Variants in BICD1 observed in about 807,000 individuals in gnomAD.
The protein encoded by BICD1 is BICD cargo adaptor 1, also known as protein bicaudal D homolog 1.
BICD1 carries 35 observed loss-of-function variants against 92.5 expected under a neutral mutation model. That is an observed-to-expected ratio of 0.38 (90% CI 0.29 to 0.50). The LOEUF is 0.50. Ranked by LOEUF, BICD1 falls within the 20% of genes least tolerant of loss-of-function variation. The pLI, the probability that BICD1 is intolerant of heterozygous loss-of-function variation, is 0.93. For synonymous variants in BICD1, 429 were observed against 465.1 expected (o/e 0.92, Z 1.00); for missense variants, 950 against 1,189.8 (o/e 0.80, Z 2.97).
rs1943467800 is a variant in BICD1, at chr12:32,157,302, C to A, written c.213+49758C>A. On this transcript the variant is annotated intron_variant, in intron 1 of 9. Coordinates refer to ENST00000652176, the MANE Select transcript of BICD1 (RefSeq NM_001714.4). The stretch of plus-strand genomic sequence containing the variant: ...TTTTAATGCATGTCTTTTAATACTA[C>A]CCTTTATTATAGATGCAGACGTTAA... Among the ~76,000 whole-genome samples, 3 of 152,084 alleles carry A rather than the reference C, an allele frequency of 2.0e-5. No individual in the cohort carries two copies. In the South Asian group the frequency reaches 6.2e-4, roughly 32 times the overall value.
chr12:32,299,810 T>A lies in BICD1; in HGVS notation c.579+5664T>A, dbSNP rs1467898121. ...CTGGGTGACATAGCAAGAGATCGGG[T>A]CTTACAGGAAGTCTAGGCCATCAAT... On this transcript the variant is annotated intron_variant, in intron 3 of 9. Transcript: ENST00000652176. 2.6e-5 allele frequency among the ~76,000 whole-genome samples: 4 copies of A among 152,258 alleles called. No individual in the cohort carries two copies. The East Asian group carries it at 7.7e-4, about 29-fold the overall frequency.
At chr12:32,311,563 G>T (rs1231159619) in intron 4 of BICD1, among the ~76,000 whole-genome samples, 2 of 152,174 alleles carry the variant, frequency 1.3e-5, no homozygotes, top group Non-Finnish European at 2.9e-5. Context: ...CACAGCGGGG[G>T]CTTCCAGGCT....
At chr12:32,275,670 G>A (rs947213103) in intron 2 of BICD1, among the ~76,000 whole-genome samples, 5 of 151,986 alleles carry the variant, frequency 3.3e-5, no homozygotes, top group Admixed American at 6.5e-5. Context: ...TGCCACTGTC[G>A]CAGACCCGCC....
intron 2 of BICD1, among the ~76,000 whole-genome samples, chr12:32,226,886 C>T (rs1945713420): frequency 6.6e-6 from 1 of 152,200 alleles, no homozygotes; most frequent in Non-Finnish European, 1.5e-5. Context: ...CGCCAGTGTG[C>T]CTGGGGCTGG....
chr12:32,328,031 A>G lies in BICD1; in HGVS notation c.1576A>G (p.Asn526Asp), dbSNP rs1317743602. 2 of 1,614,016 alleles carry G rather than the reference A, an allele frequency of 1.2e-6. No individual in the cohort carries two copies. Among genetic ancestry groups the G allele is most frequent in the Non-Finnish European group, 1.7e-6 (2 of 1,180,032 alleles). ...GCTTTACCACCATGTGTGTCTATGT[A>G]ATAATGAAACTCCCAACAGGGTCAT... Reference protein sequence around the residue: ...AQLYHHVCLCNNETPNRVMLD... With the variant: ...AQLYHHVCLCDNETPNRVMLD... Residue 526 changes from asparagine (N) to aspartate (D), a missense_variant, in exon 5 of 10, where the codon AAT becomes GAT. Physicochemically the swap from Asn to Asp is conservative, Grantham distance 23 (BLOSUM62 1). Transcript: ENST00000652176. The surrounding 1 kb of genome is among the most constrained non-coding windows in gnomAD (Gnocchi z 4.4).
chr12:32,295,082 G>GAAAAAAAAAAAAAA (rs10647988), intron 3 of BICD1, among the ~76,000 whole-genome samples: 2 of 103,494 alleles, frequency 1.9e-5, no homozygotes, highest in African/African-American at 3.8e-5. Flanking sequence ...ATTCCGTCTC[G>GAAAAAAAAAAAAAA]AAAAAAAAAA....
intron 1 of BICD1, among the ~76,000 whole-genome samples, chr12:32,137,818 G>C (rs989002640): frequency 2.0e-5 from 3 of 150,392 alleles, no homozygotes; most frequent in Non-Finnish European, 4.4e-5. Context: ...TTTTTTTTGA[G>C]ACAGAGTCTC....
intron 1 of BICD1, chr12:32,108,426 C>T (rs1227099831): frequency 1.4e-5 from 5 of 346,006 alleles, no homozygotes; most frequent in East Asian, 8.9e-5. Flanking sequence ...TCCTATCAGT[C>T]ACTCTTAAGA....
intron 1 of BICD1, among the ~76,000 whole-genome samples, chr12:32,185,544 C>T (rs116406772): frequency 0.013 from 1,951 of 152,232 alleles, 46 homozygotes; most frequent in African/African-American, 0.044. Context: ...AGAAAAAGAA[C>T]GCAATGGGAA....
intron 3 of BICD1, among the ~76,000 whole-genome samples, chr12:32,297,522 A>G (rs892950731): frequency 6.6e-6 from 1 of 152,106 alleles, no homozygotes. Flanking sequence ...TAAGTACAAT[A>G]TTGTATGTAC....
intron 8 of BICD1, among the ~76,000 whole-genome samples, chr12:32,359,482 T>C (rs948696614): frequency 6.6e-6 from 1 of 152,102 alleles, no homozygotes; most frequent in Non-Finnish European, 1.5e-5. Context: ...CTTCCTCTTA[T>C]AGAGCCACCA....
At chr12:32,272,730 C>T (rs912791441) in intron 2 of BICD1, among the ~76,000 whole-genome samples, 4 of 152,156 alleles carry the variant, frequency 2.6e-5, no homozygotes, top group African/African-American at 9.7e-5. Flanking sequence ...TGAGACCTGG[C>T]CTGCCACAAT....
chr12:32,211,430 A>G (rs1344702936), intron 1 of BICD1, among the ~76,000 whole-genome samples: 2 of 152,200 alleles, frequency 1.3e-5, no homozygotes, highest in Admixed American at 6.5e-5. Context: ...TTGAAAATCT[A>G]TTCTGGGTCT....
chr12:32,204,769 A>G (rs1000727820), intron 1 of BICD1, among the ~76,000 whole-genome samples: 1 of 152,212 alleles, frequency 6.6e-6, no homozygotes, highest in African/African-American at 2.4e-5. Context: ...GGGGAACCAC[A>G]GCAAACTCAC....
chr12:32,193,428 G>A (rs1434005271), intron 1 of BICD1, among the ~76,000 whole-genome samples: 1 of 152,202 alleles, frequency 6.6e-6, no homozygotes, highest in Admixed American at 6.5e-5. Flanking sequence ...ACTTTCATAT[G>A]CACTGGGAAA....
chr12:32,113,605 A>G (rs1218070337), intron 1 of BICD1, among the ~76,000 whole-genome samples: 3 of 149,768 alleles, frequency 2.0e-5, no homozygotes, highest in Non-Finnish European at 4.4e-5. Flanking sequence ...GTGCAGTGGC[A>G]TGATCTCAGC....
intron 8 of BICD1, among the ~76,000 whole-genome samples, chr12:32,351,829 G>A (rs1938896798): frequency 6.6e-6 from 1 of 151,054 alleles, no homozygotes; most frequent in Admixed American, 6.6e-5. Flanking sequence ...CTTGAACCAG[G>A]ACGCGGGAGG....
rs1948432644 is a variant in BICD1, at chr12:32,313,666, C to G, written c.1005+7544C>G. On this transcript the variant is annotated intron_variant, in intron 4 of 9. Coordinates refer to ENST00000652176, the MANE Select transcript of BICD1 (RefSeq NM_001714.4). The surrounding 1 kb of genome is among the most constrained non-coding windows in gnomAD (Gnocchi z 4.2). Reference sequence around the variant, plus strand: ...AAGCTGACAAATGGCTAAACTATTACAGATTTTATAGTTAGAGATTACAAA... The same window carrying G: ...AAGCTGACAAATGGCTAAACTATTAGAGATTTTATAGTTAGAGATTACAAA... Among the ~76,000 whole-genome samples, 1 of 152,182 alleles carries G rather than the reference C, an allele frequency of 6.6e-6. No individual in the cohort carries two copies. Among genetic ancestry groups the G allele is most frequent in the Non-Finnish European group, 1.5e-5 (1 of 68,036 alleles).
chr12:32,329,708 G>GCTTTTCCTAGCTATTGAT (rs1937752120), intron 5 of BICD1, among the ~76,000 whole-genome samples: 1 of 152,192 alleles, frequency 6.6e-6, no homozygotes, highest in East Asian at 1.9e-4. Context: ...GTAATAGGGA[G>GCTTTTCCTAGCTATTGAT]CTTTTCCTAG....
Sources: gnomAD v4.1 joint callset for allele counts (sites outside exome capture counted in the v4.1 genomes callset) on GRCh38, gnomAD v4.1.1 for gene constraint, Gnocchi (gnomAD v3.1) non-coding constraint, MANE v1.5 for transcripts, NCBI Gene and HGNC (gene_info 2026-07-23, HGNC 2026-07-21) for gene names.